BAIAP2: variants seen among roughly 807,000 people sequenced by gnomAD.
The protein encoded by BAIAP2 is BAR/IMD domain containing adaptor protein 2.
A neutral mutation model predicts 63.0 loss-of-function variants in BAIAP2; 18 were observed. The observed-to-expected ratio is 0.29, with a 90% CI of 0.20 to 0.42. The LOEUF is 0.42. BAIAP2 is among the 10% of genes least tolerant of loss of function. BAIAP2 has a pLI of 1.00. For synonymous variants in BAIAP2, 386 were observed against 307.6 expected (o/e 1.25, Z -2.67); for missense variants, 610 against 734.3 (o/e 0.83, Z 1.96).
intron 3 of BAIAP2, among the ~76,000 whole-genome samples, chr17:81,068,561 C>T (rs771979215): frequency 6.6e-6 from 1 of 152,206 alleles, no homozygotes. Context: ...GAAACAAAGC[C>T]CACGACCCAA....
chr17:81,066,346 A>G (rs1173190904), intron 3 of BAIAP2, among the ~76,000 whole-genome samples: 1 of 152,206 alleles, frequency 6.6e-6, no homozygotes, highest in Non-Finnish European at 1.5e-5. Flanking sequence ...GGCAGGGGGC[A>G]TTGTCCCTGC....
chr17:81,069,366 G>A (rs1435873938), intron 3 of BAIAP2, among the ~76,000 whole-genome samples: 2 of 152,174 alleles, frequency 1.3e-5, no homozygotes, highest in South Asian at 2.1e-4. Flanking sequence ...ACCGAGGGGC[G>A]GCGCTCATGC....
At position 81,116,633 on chromosome 17, in the gene BAIAP2, G is replaced by T; in HGVS notation, c.*794G>T. On this transcript the variant is annotated 3_prime_UTR_variant, in exon 14 of 14. Transcript: ENST00000428708. ...TTCCGGGGTCTGCCCCAGGACTCCTGGGTGGACCTCCCCCCCCCACCTCCG... is the reference window on the plus strand; with the variant it reads ...TTCCGGGGTCTGCCCCAGGACTCCTTGGTGGACCTCCCCCCCCCACCTCCG... The T allele has an allele frequency of 2.5e-6, 1 of 403,442 alleles. No homozygotes were observed. Among genetic ancestry groups the T allele is most frequent in the Non-Finnish European group, 4.6e-6 (1 of 217,126 alleles). The allele number at this position is 403,442 out of a possible 1,614,324, so 25.0% of individuals were successfully genotyped here.
At chr17:81,083,738 G>A (rs7504107) in intron 3 of BAIAP2, 140,952 of 152,254 alleles carry the variant, frequency 0.93, 65,574 homozygotes, top group East Asian at 1. Context: ...TGGTGTGGTC[G>A]CACCTGCTGG....
At chr17:81,069,522 G>A (rs1054147831) in intron 3 of BAIAP2, among the ~76,000 whole-genome samples, 4 of 152,240 alleles carry the variant, frequency 2.6e-5, no homozygotes, top group African/African-American at 9.7e-5. Context: ...GGGACTCTGG[G>A]CAGCTGGGGT....
chr17:81,057,838 T>A (rs748509371), intron 2 of BAIAP2, 43 bp from the exon 3 acceptor site: 1 of 1,592,144 alleles, frequency 6.3e-7, no homozygotes, highest in Non-Finnish European at 8.6e-7. Context: ...GTCTTGTCTG[T>A]CCCTCGTGGA....
intron 6 of BAIAP2, among the ~76,000 whole-genome samples, chr17:81,097,085 C>T (rs905472737): frequency 2.6e-5 from 4 of 152,218 alleles, no homozygotes; most frequent in African/African-American, 9.7e-5. Flanking sequence ...GGGCCTCTCA[C>T]CTGTGATCAA....
intron 3 of BAIAP2, among the ~76,000 whole-genome samples, chr17:81,069,943 G>T (rs1323813217): frequency 3.3e-5 from 5 of 151,312 alleles, no homozygotes; most frequent in South Asian, 4.2e-4. Flanking sequence ...TGTTTTCTTG[G>T]TTTTTTGTTG....
At chr17:81,095,022 G>A (rs997892129) in intron 6 of BAIAP2, among the ~76,000 whole-genome samples, 2 of 152,270 alleles carry the variant, frequency 1.3e-5, no homozygotes, top group Non-Finnish European at 2.9e-5. Context: ...GGAGAGGAGA[G>A]ATGTGTTCTG....
At chr17:81,059,108 C>G (rs12601569) in intron 3 of BAIAP2, among the ~76,000 whole-genome samples, 89,866 of 152,006 alleles carry the variant, frequency 0.59, 26,854 homozygotes, top group East Asian at 0.7. Flanking sequence ...CAGCCCCCTG[C>G]GGACCCTCAT....
At position 81,053,414 on chromosome 17, in the gene BAIAP2, A is replaced by G. The variant is rs143563683; in HGVS notation, c.55-254A>G. Reference sequence around the variant, plus strand: ...AAATGCGCTCCTTCAGCCCGCAGACACTCCTCTGCGGCCGGGTTTCTTCTT... The same window carrying G: ...AAATGCGCTCCTTCAGCCCGCAGACGCTCCTCTGCGGCCGGGTTTCTTCTT... On this transcript the variant is annotated intron_variant, in intron 1 of 13. Coordinates refer to ENST00000428708, the MANE Select transcript of BAIAP2 (RefSeq NM_001144888.2). The G allele has an allele frequency of 1.1e-3, 589 of 528,964 alleles. 5 individuals carry two copies. The highest frequency in any genetic ancestry group is 0.011 in the African/African-American group (572 of 52,134). The allele number at this position is 528,964 out of a possible 1,614,324, so 32.8% of individuals were successfully genotyped here.
intron 3 of BAIAP2, among the ~76,000 whole-genome samples, chr17:81,077,644 A>G (rs542582587): frequency 6.6e-6 from 1 of 151,762 alleles, no homozygotes; most frequent in Admixed American, 6.6e-5. Context: ...TAATGCTGGG[A>G]GGACGGATGC....
chr17:81,066,969 C>T (rs1442911829), intron 3 of BAIAP2, among the ~76,000 whole-genome samples: 1 of 152,242 alleles, frequency 6.6e-6, no homozygotes, highest in Non-Finnish European at 1.5e-5. Context: ...TCCTGACAGA[C>T]ACCATTTGAA....
At chr17:81,051,338 G>T (rs2144029580) in intron 1 of BAIAP2, among the ~76,000 whole-genome samples, 1 of 152,300 alleles carries the variant, frequency 6.6e-6, no homozygotes, top group South Asian at 2.1e-4. Flanking sequence ...AGGGCCCTTG[G>T]CTAAAATCTA....
At chr17:81,076,864 G>C (rs1011897886) in intron 3 of BAIAP2, among the ~76,000 whole-genome samples, 1 of 152,138 alleles carries the variant, frequency 6.6e-6, no homozygotes, top group Non-Finnish European at 1.5e-5. Flanking sequence ...CCAGCTCCTC[G>C]AGAGGCTGGG....
At chr17:81,085,602 C>G in intron 4 of BAIAP2, 52 bp from the exon 5 acceptor site, 1 of 1,494,086 alleles carries the variant, frequency 6.7e-7, no homozygotes, top group East Asian at 2.3e-5. Context: ...GCCTCCTGTT[C>G]CGGGTCCATG....
intron 6 of BAIAP2, among the ~76,000 whole-genome samples, chr17:81,095,539 C>A (rs1253546573): frequency 6.6e-6 from 1 of 152,194 alleles, no homozygotes; most frequent in East Asian, 1.9e-4. Flanking sequence ...AGGCAGCTGT[C>A]ATTCCTAGAC....
At chr17:81,109,628 T>C in intron 13 of BAIAP2, 1 of 985,328 alleles carries the variant, frequency 1.0e-6, no homozygotes, top group Non-Finnish European at 1.2e-6. Context: ...CGGCCGCTCC[T>C]GTGAGGGAGG....
chr17:81,070,238 C>T (rs774736204), intron 3 of BAIAP2, among the ~76,000 whole-genome samples: 5 of 152,168 alleles, frequency 3.3e-5, no homozygotes, highest in South Asian at 2.1e-4. Context: ...GGATTACAGG[C>T]GCGAGCCACC....
Sources: gnomAD v4.1 joint callset for allele counts (sites outside exome capture counted in the v4.1 genomes callset) on GRCh38, gnomAD v4.1.1 for gene constraint, MANE v1.5 for transcripts, NCBI Gene and HGNC (gene_info 2026-07-23, HGNC 2026-07-21) for gene names.